Variants in SOS2 observed in about 807,000 individuals in gnomAD.
SOS2 encodes SOS Ras/Rho guanine nucleotide exchange factor 2.
A neutral mutation model predicts 148.2 loss-of-function variants in SOS2; 65 were observed. The ratio of observed to expected loss-of-function variants is 0.44; its 90% CI spans 0.36 to 0.54. The LOEUF (loss-of-function observed/expected upper bound fraction) is 0.54. Ranked by LOEUF, SOS2 falls within the 20% of genes least tolerant of loss-of-function variation. SOS2 has a pLI of 0.00. For missense variants in SOS2, 1,341 were observed against 1,590.2 expected (o/e 0.84, Z 2.67); for synonymous variants, 539 against 537.1 (o/e 1.00, Z -0.05).
chr14:50,150,361 C>T (rs1884621510), intron 13 of SOS2, 131 bp from the exon 14 acceptor site: 1 of 654,394 alleles, frequency 1.5e-6, no homozygotes, highest in South Asian at 1.8e-5. Context: ...TTCTCTAACC[C>T]TACTCATGCC....
chr14:50,188,163 G>A (rs1011655421), intron 5 of SOS2, among the ~76,000 whole-genome samples: 5 of 152,160 alleles, frequency 3.3e-5, no homozygotes, highest in South Asian at 2.1e-4. Context: ...AGCACTTTGC[G>A]AGGCCAAGGC....
intron 10 of SOS2, among the ~76,000 whole-genome samples, chr14:50,159,026 TA>T (rs1884910350): frequency 1.3e-5 from 2 of 150,492 alleles, no homozygotes; most frequent in African/African-American, 4.9e-5. Flanking sequence ...CTACTAAAAA[TA>T]AAGAAAAAAA....
At chr14:50,144,514 T>C (rs1314774868) in intron 16 of SOS2, among the ~76,000 whole-genome samples, 3 of 152,132 alleles carry the variant, frequency 2.0e-5, no homozygotes, top group Non-Finnish European at 2.9e-5. Context: ...CTCAGCTCAC[T>C]GCAAATGCTG....
At chr14:50,131,509 TACTA>T (rs944258321) in intron 19 of SOS2, among the ~76,000 whole-genome samples, 8 of 151,800 alleles carry the variant, frequency 5.3e-5, no homozygotes, top group Non-Finnish European at 1.2e-4. Context: ...AATAAACTCA[TACTA>T]ACTTATTATA....
intron 2 of SOS2, 77 bp from the exon 3 acceptor site, chr14:50,201,161 G>T: frequency 7.6e-7 from 1 of 1,321,354 alleles, no homozygotes; most frequent in Non-Finnish European, 1.1e-6. Flanking sequence ...AATTCAACTT[G>T]ATCTCTATTC....
At chr14:50,178,470 CT>C (rs995163738) in intron 7 of SOS2, among the ~76,000 whole-genome samples, 1 of 151,218 alleles carries the variant, frequency 6.6e-6, no homozygotes. Context: ...TCTTCTTTTT[CT>C]TTTTTTTGTT....
At chr14:50,158,713 A>G in intron 10 of SOS2, 67 bp from the exon 11 acceptor site, 1 of 996,090 alleles carries the variant, frequency 1.0e-6, no homozygotes. Context: ...TCAAAGTACC[A>G]TATTTGGAGG....
chr14:50,187,560 A>C (rs1726003343), intron 5 of SOS2, among the ~76,000 whole-genome samples: 1 of 151,798 alleles, frequency 6.6e-6, no homozygotes, highest in Admixed American at 6.6e-5. Context: ...CGTGTTAGCC[A>C]GGATGGTCTC....
chr14:50,230,970 C>T (rs1887521750), intron 1 of SOS2: 11 of 958,218 alleles, frequency 1.1e-5, no homozygotes, highest in Non-Finnish European at 1.5e-5. Flanking sequence ...AACATGAAAT[C>T]CAGTTTTATG....
chr14:50,187,905 C>G (rs1374967854), intron 5 of SOS2, among the ~76,000 whole-genome samples: 1 of 152,024 alleles, frequency 6.6e-6, no homozygotes, highest in Non-Finnish European at 1.5e-5. Flanking sequence ...TTTCCTAGAC[C>G]ATACATCTTT....
chr14:50,227,626 C>T lies in SOS2; in HGVS notation c.87+3571G>A, dbSNP rs904629626. Among the ~76,000 whole-genome samples, 6 of 152,102 alleles carry T rather than the reference C, an allele frequency of 3.9e-5. No homozygotes were observed. In the South Asian group the frequency reaches 6.2e-4, roughly 16 times the overall value. On this transcript the variant is annotated intron_variant, in intron 1 of 22. Coordinates refer to ENST00000216373, the MANE Select transcript of SOS2 (RefSeq NM_006939.4). ...ATTTTTAGTAGAGATGGGGTTTCAC[C>T]GTGTTAGCCAGCATGGTCTCGATCT...
At chr14:50,157,190 G>C (rs1884849588) in intron 11 of SOS2, 69 bp from the exon 12 acceptor site, 1 of 1,541,354 alleles carries the variant, frequency 6.5e-7, no homozygotes, top group Admixed American at 1.8e-5. Flanking sequence ...AAAACAGCAA[G>C]CAACCTTCTT....
At chr14:50,119,277 C>T (rs1461555259) in intron 22 of SOS2, among the ~76,000 whole-genome samples, 1 of 152,120 alleles carries the variant, frequency 6.6e-6, no homozygotes, top group Non-Finnish European at 1.5e-5. Context: ...ATCCAGAGAC[C>T]AACAACATCA....
rs531265197 is a variant in SOS2 at position 50,118,134 on chromosome 14, G to GCT, written c.*209_*210insAG. On this transcript the variant is annotated 3_prime_UTR_variant, in exon 23 of 23. Transcript: ENST00000216373. ...CCTTTTGGCAGCACTGAGGATCCAAGACAAGGCAATGCTACTGATCACCTG... is the reference window on the plus strand; with the variant it reads ...CCTTTTGGCAGCACTGAGGATCCAAGCTACAAGGCAATGCTACTGATCACCTG... 565 of 531,944 alleles carry GCT rather than the reference G, an allele frequency of 1.1e-3. No individual in the cohort carries two copies. Among genetic ancestry groups the GCT allele is most frequent in the African/African-American group, 9.7e-3 (507 of 52,330 alleles). 33.0% of individuals were successfully genotyped at this position (531,944 alleles called of 1,614,324 possible). A position where few individuals can be genotyped will look rare whatever the true frequency, so the allele number is the denominator to read the frequency against.
At chr14:50,226,366 G>A (rs936248656) in intron 1 of SOS2, among the ~76,000 whole-genome samples, 1 of 152,150 alleles carries the variant, frequency 6.6e-6, no homozygotes, top group South Asian at 2.1e-4. Context: ...TATTTTCTCA[G>A]ATCACCCTGT....
intron 1 of SOS2, among the ~76,000 whole-genome samples, chr14:50,204,904 C>CT (rs386381336): frequency 2.1e-5 from 3 of 144,232 alleles, no homozygotes; most frequent in East Asian, 2.0e-4. Context: ...TTTTTTCTTT[C>CT]TTTTTTTTTT....
At chr14:50,184,245 C>T (rs555017108) in intron 5 of SOS2, among the ~76,000 whole-genome samples, 1 of 152,160 alleles carries the variant, frequency 6.6e-6, no homozygotes, top group East Asian at 1.9e-4. Flanking sequence ...CTGACCATCC[C>T]GGTTATGGCC....
At chr14:50,214,554 G>A (rs940421186) in intron 1 of SOS2, among the ~76,000 whole-genome samples, 8 of 152,206 alleles carry the variant, frequency 5.3e-5, no homozygotes, top group Non-Finnish European at 8.8e-5. Context: ...TGGGGTGTCT[G>A]TAGTCCCAGC....
intron 1 of SOS2, among the ~76,000 whole-genome samples, chr14:50,217,339 T>C (rs1406888178): frequency 2.0e-5 from 3 of 152,130 alleles, no homozygotes; most frequent in Admixed American, 1.3e-4. Context: ...CAAGGTGAGA[T>C]TTTTTTAAAA....
Sources: allele counts gnomAD v4.1 joint callset (sites outside exome capture counted in the v4.1 genomes callset), GRCh38; gene constraint gnomAD v4.1.1; transcripts MANE v1.5; gene names NCBI Gene and HGNC (gene_info 2026-07-23, HGNC 2026-07-21).